The following LHFPL3 variants were observed in gnomAD, a reference collection of about 807,000 sequenced individuals.
LHFPL3 encodes the protein LHFPL tetraspan subfamily member 3 protein.
Under a neutral mutation model 19.3 loss-of-function variants are expected in LHFPL3, and 5 were observed. That is an observed-to-expected ratio of 0.26 (90% CI 0.14 to 0.54). The LOEUF is 0.54. Ranked by LOEUF, LHFPL3 falls within the 20% of genes least tolerant of loss-of-function variation. LHFPL3 has a pLI of 0.94. For missense variants in LHFPL3, 249 were observed against 307.4 expected (o/e 0.81, Z 1.42); for synonymous variants, 133 against 126.2 (o/e 1.05, Z -0.36).
chr7:104,793,891 C>G (rs1016022279), intron 2 of LHFPL3, among the ~76,000 whole-genome samples: 5 of 151,968 alleles, frequency 3.3e-5, no homozygotes, highest in African/African-American at 1.2e-4. Context: ...ATTTTTAGAC[C>G]CATTAATATA....
chr7:104,635,175 GA>G (rs1195204889), intron 1 of LHFPL3, among the ~76,000 whole-genome samples: 2 of 152,006 alleles, frequency 1.3e-5, no homozygotes, highest in African/African-American at 2.4e-5. Context: ...ATATGGGGGG[GA>G]AAGGTAAGAA....
intron 1 of LHFPL3, among the ~76,000 whole-genome samples, chr7:104,681,168 T>G (rs1290976369): frequency 6.6e-6 from 1 of 150,756 alleles, no homozygotes; most frequent in African/African-American, 2.4e-5. Context: ...TTTTTTTTTT[T>G]TTTGTTAGGG....
intron 1 of LHFPL3, among the ~76,000 whole-genome samples, chr7:104,347,878 C>T (rs1790102027): frequency 7.0e-6 from 1 of 142,294 alleles, no homozygotes; most frequent in African/African-American, 2.6e-5. Flanking sequence ...GCGACAGAGC[C>T]AGACTCTGTC....
chr7:104,461,472 A>G (rs530217230), intron 1 of LHFPL3, among the ~76,000 whole-genome samples: 29 of 152,320 alleles, frequency 1.9e-4, no homozygotes, highest in Non-Finnish European at 2.4e-4. Flanking sequence ...TCCTTTCACC[A>G]TTGCTTGTTT....
At chr7:104,852,929 C>T (rs961409538) in intron 2 of LHFPL3, among the ~76,000 whole-genome samples, 2 of 152,130 alleles carry the variant, frequency 1.3e-5, no homozygotes, top group Non-Finnish European at 2.9e-5. Context: ...AAACCCTGAG[C>T]CCTGACCAGC....
intron 1 of LHFPL3, among the ~76,000 whole-genome samples, chr7:104,564,690 C>A (rs146816019): frequency 8.5e-5 from 13 of 152,238 alleles, no homozygotes; most frequent in African/African-American, 3.1e-4. Context: ...GAGTATGAAC[C>A]CAGTTTGCTT....
chr7:104,750,659 C>T (rs1160968638), intron 2 of LHFPL3, among the ~76,000 whole-genome samples: 4 of 152,240 alleles, frequency 2.6e-5, no homozygotes, highest in African/African-American at 9.6e-5. Context: ...AGAGAGACTG[C>T]TTGTATAGTA....
Position 104,906,225 on chromosome 7 carries a change from A to C in LHFPL3, c.*10A>C, listed in dbSNP as rs1440334124. The C allele has an allele frequency of 1.9e-6, 3 of 1,606,758 alleles. No individual in the cohort carries two copies. Among genetic ancestry groups the C allele is most frequent in the Non-Finnish European group, 1.7e-6 (2 of 1,176,408 alleles). On this transcript the variant is annotated 3_prime_UTR_variant, in exon 3 of 3. Coordinates refer to ENST00000424859, the MANE Select transcript of LHFPL3 (RefSeq NM_199000.3). ...ATATTCTCTAGAATGAGCACAAAAC[A>C]AATCGAATAACAGCTAAACAAATCG...
At chr7:104,700,664 T>C (rs1348411454) in intron 1 of LHFPL3, among the ~76,000 whole-genome samples, 7 of 152,262 alleles carry the variant, frequency 4.6e-5, no homozygotes, top group Non-Finnish European at 1.0e-4. Flanking sequence ...TATGGGTGAC[T>C]CAGAGAAGAG....
intron 1 of LHFPL3, among the ~76,000 whole-genome samples, chr7:104,489,737 TACATGGATGATATCCATA>T (rs368571670): frequency 6.6e-5 from 10 of 152,030 alleles, no homozygotes; most frequent in African/African-American, 2.2e-4. Flanking sequence ...GTGAAAACCG[TACATGGATGATATCCATA>T]ACATGACCAT....
intron 1 of LHFPL3, among the ~76,000 whole-genome samples, chr7:104,579,739 A>G (rs551898736): frequency 9.8e-5 from 15 of 152,344 alleles, no homozygotes; most frequent in African/African-American, 3.6e-4. Flanking sequence ...AACTGAGCCC[A>G]ACCCATAATA....
chr7:104,650,756 G>C (rs1161993621), intron 1 of LHFPL3, among the ~76,000 whole-genome samples: 1 of 152,188 alleles, frequency 6.6e-6, no homozygotes, highest in Non-Finnish European at 1.5e-5. Context: ...GAAGAATGCT[G>C]TCCTAGGCAC....
chr7:104,651,369 G>T (rs1420109627), intron 1 of LHFPL3, among the ~76,000 whole-genome samples: 1 of 152,222 alleles, frequency 6.6e-6, no homozygotes, highest in African/African-American at 2.4e-5. Context: ...TGCATCGTAA[G>T]CTGTGTGAAC....
At chr7:104,771,977 C>T (rs986865615) in intron 2 of LHFPL3, among the ~76,000 whole-genome samples, 7 of 151,664 alleles carry the variant, frequency 4.6e-5, no homozygotes, top group South Asian at 2.1e-4. Context: ...TGTGCCACCA[C>T]GCCCAGCTAA....
intron 2 of LHFPL3, among the ~76,000 whole-genome samples, chr7:104,770,615 T>C (rs536319003): frequency 6.6e-6 from 1 of 152,126 alleles, no homozygotes; most frequent in Non-Finnish European, 1.5e-5. Flanking sequence ...CTGGGAATGG[T>C]GAATATCTAA....
chr7:104,556,834 T>A (rs999348252), intron 1 of LHFPL3, among the ~76,000 whole-genome samples: 1 of 152,208 alleles, frequency 6.6e-6, no homozygotes, highest in Non-Finnish European at 1.5e-5. Flanking sequence ...AACCAAGTCA[T>A]CTCTTGAATG....
intron 2 of LHFPL3, among the ~76,000 whole-genome samples, chr7:104,831,030 T>A (rs554942243): frequency 6.6e-6 from 1 of 151,940 alleles, no homozygotes; most frequent in African/African-American, 2.4e-5. Flanking sequence ...ACATGGTGAC[T>A]CTTCCTTGGA....
intron 1 of LHFPL3, among the ~76,000 whole-genome samples, chr7:104,610,707 AC>A (rs1791197294): frequency 6.6e-6 from 1 of 152,172 alleles, no homozygotes; most frequent in Admixed American, 6.5e-5. Context: ...GGTGAGGTCC[AC>A]CCCACATTGG....
chr7:104,516,896 GA>G (rs1328499564), intron 1 of LHFPL3, among the ~76,000 whole-genome samples: 2 of 152,158 alleles, frequency 1.3e-5, no homozygotes, highest in Non-Finnish European at 2.9e-5. Flanking sequence ...GAATCAACCT[GA>G]ATGCCCATCG....
Sources: gnomAD v4.1 joint callset for allele counts (sites outside exome capture counted in the v4.1 genomes callset) on GRCh38, gnomAD v4.1.1 for gene constraint, MANE v1.5 for transcripts, NCBI Gene and HGNC (gene_info 2026-07-23, HGNC 2026-07-21) for gene names.